Variants in NRXN3 observed in about 807,000 individuals in gnomAD.
NRXN3 encodes neurexin 3, also known as neurexin III.
In NRXN3, 32 loss-of-function variants were observed where a neutral mutation model predicts 137.6. That is an observed-to-expected ratio of 0.23 (90% CI 0.18 to 0.31). NRXN3 has a LOEUF of 0.31. Ranked by LOEUF, NRXN3 falls within the 10% of genes least tolerant of loss-of-function variation. The pLI, the probability that NRXN3 is intolerant of heterozygous loss-of-function variation, is 1.00. For missense variants in NRXN3, 1,574 were observed against 2,062.5 expected (o/e 0.76, Z 4.59); for synonymous variants, 798 against 784.5 (o/e 1.02, Z -0.29).
intron 15 of NRXN3, among the ~76,000 whole-genome samples, chr14:79,433,519 A>T (rs914490467): frequency 9.2e-5 from 14 of 152,208 alleles, no homozygotes; most frequent in Non-Finnish European, 1.6e-4. Flanking sequence ...TAGTTTTTTA[A>T]AAAAAATACT....
At chr14:78,278,823 G>A (rs1190530066) in intron 3 of NRXN3, among the ~76,000 whole-genome samples, 161 bp downstream of exon 3, 1 of 152,188 alleles carries the variant, frequency 6.6e-6, no homozygotes, top group Non-Finnish European at 1.5e-5. Context: ...TAATGGATTT[G>A]TATTGGTTTT....
At chr14:79,068,590 C>T (rs919839701) in intron 15 of NRXN3, among the ~76,000 whole-genome samples, 1 of 152,026 alleles carries the variant, frequency 6.6e-6, no homozygotes, top group Non-Finnish European at 1.5e-5. Context: ...CCACTTGTCA[C>T]TTGAATTAAC....
intron 5 of NRXN3, chr14:78,649,216 A>G: frequency 1.6e-6 from 2 of 1,289,490 alleles, no homozygotes; most frequent in Non-Finnish European, 2.1e-6. Flanking sequence ...TTTAATTAAC[A>G]ATCGTTCTGT....
At chr14:79,253,792 C>A (rs1379211885) in intron 15 of NRXN3, among the ~76,000 whole-genome samples, 2 of 152,212 alleles carry the variant, frequency 1.3e-5, no homozygotes. Context: ...ACCACCCCCA[C>A]AATCTAATCA....
intron 16 of NRXN3, among the ~76,000 whole-genome samples, chr14:79,511,532 A>G (rs1225200471): frequency 6.6e-6 from 1 of 152,218 alleles, no homozygotes; most frequent in African/African-American, 2.4e-5. Context: ...GCTCATTTGA[A>G]GCTATTCAGC....
intron 4 of NRXN3, among the ~76,000 whole-genome samples, chr14:78,330,022 T>C (rs2080600482): frequency 6.6e-6 from 1 of 152,120 alleles, no homozygotes; most frequent in Admixed American, 6.6e-5. Flanking sequence ...TGGTGTACCG[T>C]CCACCATATG....
At chr14:78,999,019 A>G (rs1200986150) in intron 15 of NRXN3, among the ~76,000 whole-genome samples, 1 of 151,984 alleles carries the variant, frequency 6.6e-6, no homozygotes, top group Non-Finnish European at 1.5e-5. Flanking sequence ...TTCTCAACCT[A>G]CCCTTTTCTT....
chr14:78,370,312 CTTT>C (rs5809879), intron 4 of NRXN3, among the ~76,000 whole-genome samples: 129 of 144,722 alleles, frequency 8.9e-4, no homozygotes, highest in Non-Finnish European at 9.5e-4. Context: ...TACTGAGACA[CTTT>C]TTTTTTTTTT....
Position 79,714,806 on chromosome 14 carries a change from C to T in NRXN3, c.4014+16869C>T, listed in dbSNP as rs140430386. Among the ~76,000 whole-genome samples, 358 of 152,228 alleles carry T rather than the reference C, an allele frequency of 2.4e-3. 2 individuals carry two copies. Among genetic ancestry groups the T allele is most frequent in the African/African-American group, 8.2e-3 (339 of 41,542 alleles). On this transcript the variant is annotated intron_variant, in intron 19 of 20. Coordinates refer to ENST00000335750, the MANE Select transcript of NRXN3 (RefSeq NM_001330195.2). The stretch of plus-strand genomic sequence containing the variant: ...GCATTTTTGTAAGGGAGTTTGCCTC[C>T]GTCCTCTGTTGTAAACATTTTCCTT...
chr14:79,126,040 A>G (rs928891233), intron 15 of NRXN3, among the ~76,000 whole-genome samples: 1 of 152,134 alleles, frequency 6.6e-6, no homozygotes, highest in African/African-American at 2.4e-5. Flanking sequence ...AATGTTCACA[A>G]AGTACCTAAA....
At chr14:79,752,637 C>G (rs1160157536) in intron 19 of NRXN3, among the ~76,000 whole-genome samples, 2 of 152,100 alleles carry the variant, frequency 1.3e-5, no homozygotes, top group Non-Finnish European at 2.9e-5. Flanking sequence ...CAAGGCATTA[C>G]CATTCAGGAC....
At chr14:79,126,158 G>A (rs557206032) in intron 15 of NRXN3, among the ~76,000 whole-genome samples, 3 of 151,662 alleles carry the variant, frequency 2.0e-5, no homozygotes, top group Non-Finnish European at 4.4e-5. Context: ...ATAGTTCAGA[G>A]CATTTATTTA....
At chr14:79,549,682 C>G (rs1320276464) in intron 16 of NRXN3, among the ~76,000 whole-genome samples, 1 of 152,080 alleles carries the variant, frequency 6.6e-6, no homozygotes, top group African/African-American at 2.4e-5. Context: ...CCATTAGACC[C>G]AGTATTAGTC....
chr14:78,910,448 T>A (rs541723977), intron 10 of NRXN3, among the ~76,000 whole-genome samples: 1 of 152,258 alleles, frequency 6.6e-6, no homozygotes, highest in South Asian at 2.1e-4. Context: ...CTTTTGTTGC[T>A]ATTTTAACAA....
At chr14:79,690,097 C>T (rs1177929529) in intron 17 of NRXN3, among the ~76,000 whole-genome samples, 3 of 152,150 alleles carry the variant, frequency 2.0e-5, no homozygotes, top group Non-Finnish European at 4.4e-5. Flanking sequence ...AAGCCAATTA[C>T]CTTTTCTCAG....
At chr14:79,613,911 C>T (rs2098129497) in intron 16 of NRXN3, among the ~76,000 whole-genome samples, 1 of 152,220 alleles carries the variant, frequency 6.6e-6, no homozygotes. Context: ...GCGGTTAATC[C>T]AGCATTCGAC....
intron 15 of NRXN3, among the ~76,000 whole-genome samples, chr14:79,237,333 G>A (rs753197286): frequency 1.6e-4 from 25 of 152,138 alleles, no homozygotes; most frequent in Non-Finnish European, 3.7e-4. Flanking sequence ...ATTAAAATGA[G>A]CAGATTTGGC....
At chr14:78,764,934 A>G (rs1245473313) in intron 8 of NRXN3, among the ~76,000 whole-genome samples, 3 of 152,200 alleles carry the variant, frequency 2.0e-5, no homozygotes, top group African/African-American at 7.2e-5. Context: ...CTGGGGGCAT[A>G]CTTGCAAACA....
At chr14:79,693,381 G>A (rs1356301181) in intron 18 of NRXN3, among the ~76,000 whole-genome samples, 1 of 151,978 alleles carries the variant, frequency 6.6e-6, no homozygotes, top group Non-Finnish European at 1.5e-5. Context: ...TCCTCACGGA[G>A]TGTTAACTGT....
Sources: gnomAD v4.1 joint callset for allele counts (sites outside exome capture counted in the v4.1 genomes callset) on GRCh38, gnomAD v4.1.1 for gene constraint, MANE v1.5 for transcripts, NCBI Gene and HGNC (gene_info 2026-07-23, HGNC 2026-07-21) for gene names.